RARB: variants seen among roughly 807,000 people sequenced by gnomAD.
RARB encodes the protein HBV-activated protein.
Under a neutral mutation model 51.9 loss-of-function variants are expected in RARB, and 17 were observed. The observed-to-expected ratio is 0.33, with a 90% CI of 0.22 to 0.49. RARB has a LOEUF of 0.49. RARB is among the 20% of genes least tolerant of loss of function. RARB has a pLI of 0.99. For missense variants in RARB, 369 were observed against 550.8 expected (o/e 0.67, Z 3.30); for synonymous variants, 215 against 195.4 (o/e 1.10, Z -0.84).
rs558876420 is a variant in RARB at position 25,333,332 on chromosome 3, T to C, written c.179-127861T>C. ...TGGTACTGGTACCAAAACAGACATA[T>C]AGACCAATGGAAAAGAACAGAGGCC... On this transcript the variant is annotated intron_variant, in intron 5 of 11. Coordinates refer to the RARB transcript ENST00000383772. Among the ~76,000 whole-genome samples, 13 of 152,242 alleles carry C rather than the reference T, an allele frequency of 8.5e-5. No homozygotes were observed. In the South Asian group the frequency reaches 1.5e-3, roughly 17 times the overall value.
At chr3:25,011,923 GGAGA>G in intron 2 of RARB, among the ~76,000 whole-genome samples, 1 of 152,166 alleles carries the variant, frequency 6.6e-6, no homozygotes, top group East Asian at 1.9e-4. Context: ...TTTTATTTAG[GGAGA>G]GAGATCATTT....
chr3:25,061,532 T>G (rs551260948), intron 3 of RARB, among the ~76,000 whole-genome samples: 239 of 151,968 alleles, frequency 1.6e-3, no homozygotes, highest in Admixed American at 2.6e-3. Context: ...TCTTCTCTGC[T>G]TGGTGTAGTT....
chr3:25,015,826 CA>C (rs1429820708), intron 2 of RARB, among the ~76,000 whole-genome samples: 2 of 152,160 alleles, frequency 1.3e-5, no homozygotes, highest in Non-Finnish European at 2.9e-5. Context: ...ATAGTGAGAA[CA>C]AATAGCTGAT....
At chr3:24,853,934 G>T (rs1186946378) in intron 1 of RARB, among the ~76,000 whole-genome samples, 1 of 152,174 alleles carries the variant, frequency 6.6e-6, no homozygotes, top group African/African-American at 2.4e-5. Context: ...GTACATTCAA[G>T]ACCCACCGAT....
chr3:25,356,877 G>T (rs1387819590), intron 5 of RARB, among the ~76,000 whole-genome samples: 2 of 152,122 alleles, frequency 1.3e-5, no homozygotes, highest in Non-Finnish European at 2.9e-5. Flanking sequence ...GTATTCCATG[G>T]TGTATATGTG....
chr3:25,075,118 T>C (rs1008273337), intron 3 of RARB, among the ~76,000 whole-genome samples: 2 of 152,198 alleles, frequency 1.3e-5, no homozygotes, highest in African/African-American at 2.4e-5. Context: ...ACAGAGAATA[T>C]GTAACACAGT....
rs1553638402 is a variant in RARB at position 25,597,775 on chromosome 3, A to ATTTTTTTGAAT, written c.*1166_*1167insGAATTTTTTTT. The ATTTTTTTGAAT allele has an allele frequency of 4.7e-5, 7 of 149,826 alleles. No individual in the cohort carries two copies. Among genetic ancestry groups the ATTTTTTTGAAT allele is most frequent in the Non-Finnish European group, 1.0e-4 (7 of 67,144 alleles). 9.3% of individuals were successfully genotyped at this position (149,826 alleles called of 1,614,324 possible). A position where few individuals can be genotyped will look rare whatever the true frequency, so the allele number is the denominator to read the frequency against. ...TAGTTCTCATTTAAGCACTAGTGGA[A>ATTTTTTTGAAT]TTTTTTTTTTTTGATATATTAGCAA... On this transcript the variant is annotated 3_prime_UTR_variant, in exon 8 of 8. Transcript: ENST00000330688.
intron 5 of RARB, among the ~76,000 whole-genome samples, chr3:25,205,173 A>G (rs1377879791): frequency 1.3e-5 from 2 of 152,044 alleles, no homozygotes; most frequent in African/African-American, 4.8e-5. Flanking sequence ...TTGATCTCAG[A>G]CTGCTGTGCT....
intron 4 of RARB, among the ~76,000 whole-genome samples, chr3:25,164,603 G>A (rs1700530792): frequency 6.6e-6 from 1 of 152,056 alleles, no homozygotes; most frequent in Non-Finnish European, 1.5e-5. Context: ...TTCTAGAATA[G>A]ATATACCCCT....
chr3:25,400,311 A>G (rs12374188), intron 5 of RARB, among the ~76,000 whole-genome samples: 14,652 of 152,234 alleles, frequency 0.096, 910 homozygotes, highest in South Asian at 0.19. Flanking sequence ...AATAATTATT[A>G]TTATATGTAT....
intron 2 of RARB, among the ~76,000 whole-genome samples, chr3:24,972,074 A>G (rs1285111692): frequency 6.6e-6 from 1 of 151,924 alleles, no homozygotes; most frequent in Non-Finnish European, 1.5e-5. Context: ...CTATGGATCT[A>G]TTGAACACCA....
At chr3:25,403,237 T>C (rs759300730) in intron 5 of RARB, among the ~76,000 whole-genome samples, 20 of 151,994 alleles carry the variant, frequency 1.3e-4, no homozygotes, top group Admixed American at 2.6e-4. Context: ...AATAACTCCA[T>C]TGTACATTTT....
At chr3:25,365,644 G>T (rs1285139933) in intron 5 of RARB, among the ~76,000 whole-genome samples, 2 of 152,100 alleles carry the variant, frequency 1.3e-5, no homozygotes, top group Non-Finnish European at 2.9e-5. Context: ...TGACTTGAAG[G>T]CCAGATATTG....
chr3:24,894,329 C>A (rs1444786477), intron 2 of RARB, among the ~76,000 whole-genome samples: 1 of 148,396 alleles, frequency 6.7e-6, no homozygotes. Flanking sequence ...TGTGTATTCA[C>A]TGTTTAGCTC....
chr3:25,385,189 C>T (rs1240204448), intron 5 of RARB, among the ~76,000 whole-genome samples: 1 of 152,206 alleles, frequency 6.6e-6, no homozygotes, highest in African/African-American at 2.4e-5. Context: ...CTCTGTTACA[C>T]AAGATTCAGA....
intron 5 of RARB, among the ~76,000 whole-genome samples, chr3:25,415,420 T>A (rs1707675192): frequency 6.6e-6 from 1 of 152,206 alleles, no homozygotes; most frequent in Non-Finnish European, 1.5e-5. Context: ...TTTATTTGTA[T>A]GCAGTATATA....
At chr3:24,899,043 T>A in intron 2 of RARB, among the ~76,000 whole-genome samples, 1 of 152,292 alleles carries the variant, frequency 6.6e-6, no homozygotes, top group East Asian at 1.9e-4. Flanking sequence ...CCAGCAGCAG[T>A]AGCATGATCT....
chr3:25,428,005 T>G (rs1291638653), upstream of RARB, among the ~76,000 whole-genome samples: 1 of 152,104 alleles, frequency 6.6e-6, no homozygotes, highest in Non-Finnish European at 1.5e-5. Flanking sequence ...GCGTCCCGGC[T>G]CCTCCCCTGC....
chr3:25,048,792 G>A (rs1380633983), intron 2 of RARB, among the ~76,000 whole-genome samples: 1 of 112,406 alleles, frequency 8.9e-6, no homozygotes, highest in African/African-American at 3.6e-5. Flanking sequence ...GTCTCGCTCT[G>A]TTGCCCAGGC....
Sources: allele counts gnomAD v4.1 joint callset (sites outside exome capture counted in the v4.1 genomes callset), GRCh38; gene constraint gnomAD v4.1.1; transcripts MANE v1.5; gene names NCBI Gene and HGNC (gene_info 2026-07-23, HGNC 2026-07-21).